The following FADS6 variants were observed in gnomAD, a reference collection of about 807,000 sequenced individuals.
The protein encoded by FADS6 is fatty acid desaturase 6, also known as fatty acid desaturase domain family, member 6.
Under a neutral mutation model 31.7 loss-of-function variants are expected in FADS6, and 28 were observed. The observed-to-expected ratio is 0.88, with a 90% CI of 0.66 to 1.21. FADS6 has a LOEUF of 1.21. Ranked by LOEUF, FADS6 falls within the 50% of genes most tolerant of loss-of-function variation. The pLI is 0.00. For missense variants in FADS6, 494 were observed against 504.2 expected (o/e 0.98, Z 0.19); for synonymous variants, 191 against 213.1 (o/e 0.90, Z 0.90).
intron 2 of FADS6, among the ~76,000 whole-genome samples, chr17:74,888,154 A>ACG (rs67402175): frequency 0.018 from 2,431 of 134,690 alleles, 45 homozygotes; most frequent in African/African-American, 0.047. Flanking sequence ...ACACACACAC[A>ACG]CGCGCGCGCG....
chr17:74,876,297 T>C (rs2038507554), downstream of FADS6, among the ~76,000 whole-genome samples: 3 of 152,138 alleles, frequency 2.0e-5, no homozygotes, highest in African/African-American at 7.2e-5. Flanking sequence ...TTTCACTCTA[T>C]CCAAGGCCTT....
chr17:74,881,070 G>C lies in FADS6; in HGVS notation c.778C>G (p.Gln260Glu). The change falls in exon 4 of 6, where the codon CAG (glutamine) becomes GAG (glutamate). Residue 260 changes from glutamine (Q) to glutamate (E), a missense_variant and splice_region_variant. Gln to Glu is a conservative substitution (Grantham distance 29). Coordinates refer to ENST00000612771, the MANE Select transcript of FADS6 (RefSeq NM_178128.6). The part of the protein sequence containing the change: ...AHPYLHVNIF[Q>E]HIGLPMFSRD... ...GCCCCAGGTTGGGGTGGCCTCACCT[G>C]GAAGATGTTGACGTGGAGGTAGGGG... The C allele has an allele frequency of 6.2e-7, 1 of 1,612,240 alleles. No individual in the cohort carries two copies. The highest frequency in any genetic ancestry group is 8.5e-7 in the Non-Finnish European group (1 of 1,179,126).
At chr17:74,891,635 G>T (rs970013485) in intron 2 of FADS6, among the ~76,000 whole-genome samples, 3 of 152,126 alleles carry the variant, frequency 2.0e-5, no homozygotes, top group Admixed American at 1.3e-4. Context: ...AGAGGGGCAG[G>T]GGAGGGGAAG....
rs371433937 is a variant in FADS6 at position 74,879,475 on chromosome 17, C to T, written c.889G>A (p.Gly297Ser). The T allele has an allele frequency of 4.0e-5, 65 of 1,613,802 alleles. No homozygotes were observed. The highest frequency in any genetic ancestry group is 1.5e-4 in the Admixed American group (9 of 59,990). The change falls in exon 5 of 6, where the codon GGC (glycine) becomes AGC (serine). Residue 297 changes from glycine (G) to serine (S), a missense_variant. Gly to Ser is a moderately conservative substitution (Grantham distance 56). Coordinates refer to ENST00000612771, the MANE Select transcript of FADS6 (RefSeq NM_178128.6). ...ARLPVLDWAF[G>S]HSIISCHVEH... ...ACATGGCAGCTGATGATCGAGTGGC[C>T]GAACGCCCAGTCCAGCACGGGCAGC...
At chr17:74,887,970 G>T (rs960518327) in intron 2 of FADS6, among the ~76,000 whole-genome samples, 2 of 152,190 alleles carry the variant, frequency 1.3e-5, no homozygotes, top group Non-Finnish European at 2.9e-5. Flanking sequence ...ACAGGCGTGA[G>T]CCACTGCGCC....
Position 74,879,379 on chromosome 17 carries a change from C to T in FADS6, c.960+25G>A, listed in dbSNP as rs746903808. The T allele has an allele frequency of 2.1e-5, 34 of 1,607,080 alleles. 1 individual carries two copies. The highest frequency in any genetic ancestry group is 4.4e-5 in the South Asian group (4 of 90,256). On this transcript the variant is annotated intron_variant, in intron 5 of 5. Coordinates refer to ENST00000612771, the MANE Select transcript of FADS6 (RefSeq NM_178128.6). ...TCCTCTAACAGTCCCTTTATTCCAG[C>T]GCCCCCAGCCCAGCCCTCGACTACC...
In FADS6 at chr17:74,877,876, A is replaced by G. The variant is rs2038522758; in HGVS notation, c.*455T>C. 1 of 987,742 alleles carries G rather than the reference A, an allele frequency of 1.0e-6. No individual in the cohort carries two copies. The highest frequency in any genetic ancestry group is 1.2e-6 in the Non-Finnish European group (1 of 831,598). 61.2% of individuals were successfully genotyped at this position (987,742 alleles called of 1,614,324 possible). A position where few individuals can be genotyped will look rare whatever the true frequency, so the allele number is the denominator to read the frequency against. On this transcript the variant is annotated 3_prime_UTR_variant, in exon 6 of 6. Transcript: ENST00000612771. Reference sequence around the variant, plus strand: ...TGGTGGGCAGAGCCTGAAGGAAGCAATAGCCAAGGCCGTGTGGGGCTCTCC... The same window carrying G: ...TGGTGGGCAGAGCCTGAAGGAAGCAGTAGCCAAGGCCGTGTGGGGCTCTCC...
At position 74,893,337 on chromosome 17, in the gene FADS6, C is replaced by T. The variant is rs1282204102; in HGVS notation, c.244+15G>A. ...CCGCAGCCCGGCCGGGACGCCGGGT[C>T]CCCGCGTTCCTCACCTGCCGGCAAG... On this transcript the variant is annotated intron_variant, in intron 1 of 5. Transcript: ENST00000612771. 2 of 1,508,444 alleles carry T rather than the reference C, an allele frequency of 1.3e-6. No individual in the cohort carries two copies. The highest frequency in any genetic ancestry group is 4.2e-5 in the Admixed American group (2 of 48,068). The allele number at this position is 1,508,444 out of a possible 1,614,324, so 93.4% of individuals were successfully genotyped here. A position where few individuals can be genotyped will look rare whatever the true frequency, so the allele number is the denominator to read the frequency against.
rs1486014097 is a variant in FADS6 at position 74,879,428 on chromosome 17, C to G, written c.936G>C (p.Arg312Ser). The change falls in exon 5 of 6, where the codon AGG becomes AGC. Residue 312 changes from arginine to serine, a missense_variant. Physicochemically the swap from Arg to Ser is moderately radical, Grantham distance 110. Around this residue, in one of 2 missense-constraint regions of FADS6, gnomAD observed 454 missense variants for 438.5 expected, o/e 1.04. Coordinates refer to ENST00000612771, the MANE Select transcript of FADS6 (RefSeq NM_178128.6). ...SCHVEHHLFP[R>S]LSDNMCLKVK... is the part of the protein sequence containing the mutation. ...CCTTCAGGCACATGTTATCAGAGAG[C>G]CTGGGGAATAGATGGTGTTCCACAT... 1.2e-6 allele frequency: 2 copies of G among 1,613,908 alleles called. No homozygotes were observed. Among genetic ancestry groups the G allele is most frequent in the Non-Finnish European group, 1.7e-6 (2 of 1,179,850 alleles).
rs1031382753 is a variant in FADS6 at position 74,889,164 on chromosome 17, G to C, written c.411+3359C>G. Reference sequence around the variant, plus strand: ...GATCCAATGGCCCAGCTTGGAGCTGGTAAACCCTGAGACAATCCCAGCAAA... The same window carrying C: ...GATCCAATGGCCCAGCTTGGAGCTGCTAAACCCTGAGACAATCCCAGCAAA... On this transcript the variant is annotated intron_variant, in intron 2 of 5. Coordinates refer to ENST00000612771, the MANE Select transcript of FADS6 (RefSeq NM_178128.6). Among the ~76,000 whole-genome samples the C allele has an allele frequency of 6.6e-5, 10 of 152,198 alleles. 1 individual carries two copies. The highest frequency in any genetic ancestry group is 5.9e-4 in the Admixed American group (9 of 15,286).
intron 2 of FADS6, among the ~76,000 whole-genome samples, chr17:74,883,943 C>G (rs2038598878): frequency 6.6e-6 from 1 of 152,214 alleles, no homozygotes; most frequent in Admixed American, 6.5e-5. Context: ...GCTAGGAACA[C>G]AGGTGTGAGC....
intron 2 of FADS6, among the ~76,000 whole-genome samples, chr17:74,887,110 G>T (rs985742261): frequency 1.3e-5 from 2 of 148,500 alleles, no homozygotes; most frequent in Non-Finnish European, 3.0e-5. Context: ...GCCCAGGCTG[G>T]AGTATGGAGT....
At chr17:74,876,017 G>C (rs914165441), downstream of FADS6, among the ~76,000 whole-genome samples, 7 of 152,342 alleles carry the variant, frequency 4.6e-5, no homozygotes, top group South Asian at 2.1e-4. Flanking sequence ...GGAGGGAGCT[G>C]TTTCAGAACT....
intron 2 of FADS6, among the ~76,000 whole-genome samples, chr17:74,887,392 C>A (rs1352636136): frequency 1.3e-5 from 2 of 152,168 alleles, no homozygotes; most frequent in Non-Finnish European, 2.9e-5. Context: ...ATCTTGATAG[C>A]CAAAAATATC....
At chr17:74,890,784 G>A (rs1230535618) in intron 2 of FADS6, among the ~76,000 whole-genome samples, 1 of 152,124 alleles carries the variant, frequency 6.6e-6, no homozygotes, top group Non-Finnish European at 1.5e-5. Flanking sequence ...GAGCGCTCCA[G>A]TAGAGAAGCC....
Position 74,893,586 on chromosome 17 carries a change from T to A in FADS6, c.10A>T (p.Thr4Ser). MEP[T>S]EPMEPTEPME... is the part of the protein sequence containing the mutation. ...GGCTCCGTAGGTTCCATCGGCTCCG[T>A]GGGTTCCATGGACTCTGTGGGCTCG... The change falls in exon 1 of 6, where the codon ACG (threonine) becomes TCG (serine). Residue 4 changes from threonine (T) to serine (S), a missense_variant. Around this residue, in one of 2 missense-constraint regions of FADS6, gnomAD observed 40 missense variants for 65.7 expected, o/e 0.61. Transcript: ENST00000612771. 1 of 1,423,182 alleles carries A rather than the reference T, an allele frequency of 7.0e-7. No individual in the cohort carries two copies. Among genetic ancestry groups the A allele is most frequent in the Non-Finnish European group, 9.2e-7 (1 of 1,091,146 alleles). The allele number at this position is 1,423,182 out of a possible 1,614,324, so 88.2% of individuals were successfully genotyped here.
At chr17:74,878,824 T>G (rs186803657) in intron 5 of FADS6, among the ~76,000 whole-genome samples, 2 of 152,272 alleles carry the variant, frequency 1.3e-5, no homozygotes, top group East Asian at 3.9e-4. Context: ...CAGAAGCCCT[T>G]CTACTCCCAT....
At chr17:74,889,778 G>T (rs1391732572) in intron 2 of FADS6, among the ~76,000 whole-genome samples, 1 of 143,496 alleles carries the variant, frequency 7.0e-6, no homozygotes, top group Non-Finnish European at 1.5e-5. Flanking sequence ...GGCTGAGGCG[G>T]GAGAATCACT....
downstream of FADS6, among the ~76,000 whole-genome samples, chr17:74,876,350 A>C (rs1431081576): frequency 6.6e-6 from 1 of 152,176 alleles, no homozygotes; most frequent in Admixed American, 6.6e-5. Context: ...AATGACTTGC[A>C]TGTTCTCAAC....
Sources: allele counts gnomAD v4.1 joint callset (sites outside exome capture counted in the v4.1 genomes callset), GRCh38; gene constraint gnomAD v4.1.1; regional missense constraint gnomAD v4.1.1; transcripts MANE v1.5; gene names NCBI Gene and HGNC (gene_info 2026-07-23, HGNC 2026-07-21).